The following TRMU variants were observed in gnomAD, a reference collection of about 807,000 sequenced individuals.
TRMU encodes tRNA mitochondrial 2-thiouridylase.
A neutral mutation model predicts 46.9 loss-of-function variants in TRMU; 49 were observed. The observed-to-expected ratio is 1.05, with a 90% CI of 0.83 to 1.33. The LOEUF is 1.33. Among genes scored for constraint, TRMU ranks in the 40% most tolerant of loss-of-function variants. The pLI, the probability that TRMU is intolerant of heterozygous loss-of-function variation, is 0.00. For missense variants in TRMU, 572 were observed against 532.4 expected, an observed-to-expected ratio of 1.07 and a Z score of -0.73; for synonymous variants, 241 against 200.9, an observed-to-expected ratio of 1.20 and a Z score of -1.69.
At chr22:46,355,672 T>TG in intron 9 of TRMU, 84 bp downstream of exon 9, 1 of 1,605,732 alleles carries the variant, frequency 6.2e-7, no homozygotes, top group Non-Finnish European at 8.5e-7. Context: ...TGGGAGACCC[T>TG]GGGGTAGGAA....
chr22:46,343,150 A>T (rs2078165093), intron 2 of TRMU, 112 bp from the exon 3 acceptor site: 2 of 777,872 alleles, frequency 2.6e-6, no homozygotes, highest in Non-Finnish European at 4.2e-6. Context: ...AGAAAATTAT[A>T]GTTTTGGTAT....
chr22:46,343,265 C>A lies in TRMU; in HGVS notation c.252C>A (p.Asp84Glu), dbSNP rs776173954. 1 of 1,604,412 alleles carries A rather than the reference C, an allele frequency of 6.2e-7. No homozygotes were observed. Among genetic ancestry groups the A allele is most frequent in the Admixed American group, 1.7e-5 (1 of 59,852 alleles). ...AAGTCATTTTCTTTTATTCTAGTGA[C>A]TTTTTGAATGAGTATGAAAAAGGAA... is the stretch of plus-strand genomic sequence containing the variant. ...VKEYWNDVFS[D>E]FLNEYEKGRT... The change falls in exon 3 of 11, where the codon GAC becomes GAA. Residue 84 changes from aspartate to glutamate, a missense_variant. Transcript: ENST00000645190.
intron 10 of TRMU, chr22:46,356,518 T>C: frequency 2.2e-6 from 1 of 448,258 alleles, no homozygotes; most frequent in Non-Finnish European, 4.1e-6. Flanking sequence ...ATCCTCTGGC[T>C]GCCACCATGC....
chr22:46,355,190 C>A, intron 8 of TRMU: 1 of 598,968 alleles, frequency 1.7e-6, no homozygotes, highest in Non-Finnish European at 3.0e-6. Context: ...GGGCTCGGAT[C>A]TCACCCCTGC....
At chr22:46,356,373 CAAAGAG>C (rs2078608333) in intron 10 of TRMU, 2 of 477,784 alleles carry the variant, frequency 4.2e-6, no homozygotes, top group African/African-American at 3.9e-5. Flanking sequence ...GGACAGTGCT[CAAAGAG>C]GCAGAGGGTC....
chr22:46,355,283 T>TGATGA, intron 8 of TRMU, 161 bp from the exon 9 acceptor site: 1 of 1,112,822 alleles, frequency 9.0e-7, no homozygotes, highest in South Asian at 1.4e-5. Flanking sequence ...GCCCGGCGGG[T>TGATGA]GATGAGATGA....
chr22:46,353,996 G>A (rs748339570), intron 8 of TRMU, 129 bp downstream of exon 8: 4 of 820,714 alleles, frequency 4.9e-6, no homozygotes, highest in Non-Finnish European at 8.2e-6. Flanking sequence ...CTCTGTTCCT[G>A]TCCTTGGTCC....
In TRMU at chr22:46,342,176, G is replaced by T. The variant is rs1285762721; in HGVS notation, c.249-1086G>T. Among the ~76,000 whole-genome samples, 2 of 152,220 alleles carry T rather than the reference G, an allele frequency of 1.3e-5. No homozygotes were observed. The highest frequency in any genetic ancestry group is 4.8e-5 in the African/African-American group (2 of 41,460). On this transcript the variant is annotated intron_variant, in intron 2 of 10. Coordinates refer to ENST00000645190, the MANE Select transcript of TRMU (RefSeq NM_018006.5). The surrounding 1 kb of genome is among the most constrained non-coding windows in gnomAD (Gnocchi z 4.7). ...CCCACAACAGCAGTCGAAAGTATGG[G>T]CCTCTAGAACTTATGACCAACTGGC...
In TRMU at chr22:46,351,947, G is replaced by T; in HGVS notation, c.652-174G>T. The T allele has an allele frequency of 1.3e-6, 1 of 768,974 alleles. No homozygotes were observed. The highest frequency in any genetic ancestry group is 1.7e-5 in the Admixed American group (1 of 57,712). 47.6% of individuals were successfully genotyped at this position (768,974 alleles called of 1,614,324 possible). ...AGGCGTTCTCTAAGGCTCTGGCATC[G>T]TGTGCGCCGGCTGTGACTGGCGGCC... On this transcript the variant is annotated intron_variant, in intron 5 of 10. Coordinates refer to ENST00000645190, the MANE Select transcript of TRMU (RefSeq NM_018006.5). This position sits in a 1 kb window ranked among gnomAD's most constrained non-coding sequence, Gnocchi z 6.4.
rs2078297945 is a variant in TRMU at position 46,347,768 on chromosome 22, G to A, written c.478+1224G>A. On this transcript the variant is annotated intron_variant, in intron 4 of 10. Transcript: ENST00000645190. The surrounding 1 kb of genome is among the most constrained non-coding windows in gnomAD (Gnocchi z 5.0). Reference sequence around the variant, plus strand: ...TCTGACCTGGGTCCCTCGGGTGGCAGAGCTGGATTTCAGTGCACTTCCGCT... The same window carrying A: ...TCTGACCTGGGTCCCTCGGGTGGCAAAGCTGGATTTCAGTGCACTTCCGCT... 6.6e-6 allele frequency among the ~76,000 whole-genome samples: 1 copy of A among 152,220 alleles called. No individual in the cohort carries two copies. The highest frequency in any genetic ancestry group is 1.5e-5 in the Non-Finnish European group (1 of 68,044).
In TRMU at chr22:46,352,336, G is replaced by A; in HGVS notation, c.772+6G>A. On this transcript the variant is annotated splice_donor_region_variant and intron_variant, in intron 7 of 10. Transcript: ENST00000645190. ...GGTTCTGGGAACACATAAAGGTGAG[G>A]TGCAGACTCTGCCACTTGTCATCTG... 3 of 1,613,976 alleles carry A rather than the reference G, an allele frequency of 1.9e-6. No individual in the cohort carries two copies. The highest frequency in any genetic ancestry group is 1.7e-6 in the Non-Finnish European group (2 of 1,180,014).
intron 10 of TRMU, 108 bp from the exon 11 acceptor site, chr22:46,356,734 G>C: frequency 7.3e-7 from 1 of 1,362,606 alleles, no homozygotes; most frequent in Admixed American, 1.8e-5. Flanking sequence ...GGAGCTCAGT[G>C]CCTGGTGCTC....
rs929238896 is a variant in TRMU at position 46,343,502 on chromosome 22, C to G, written c.355+134C>G. ...CTGGGCTCAAGAGATTCTCCCACCC[C>G]AGGCTCCTGAGTAGCTTGGACCACA... On this transcript the variant is annotated intron_variant, in intron 3 of 10. Coordinates refer to ENST00000645190, the MANE Select transcript of TRMU (RefSeq NM_018006.5). 5.6e-6 allele frequency: 4 copies of G among 710,986 alleles called. No individual in the cohort carries two copies. In the African/African-American group the frequency reaches 7.1e-5, roughly 13 times the overall value. 44.0% of individuals were successfully genotyped at this position (710,986 alleles called of 1,614,324 possible).
In TRMU at chr22:46,350,468, G is replaced by A. The variant is rs761200384; in HGVS notation, c.651+5G>A. 15 of 1,613,214 alleles carry A rather than the reference G, an allele frequency of 9.3e-6. No individual in the cohort carries two copies. The South Asian group carries it at 1.2e-4, about 13-fold the overall frequency. On this transcript the variant is annotated splice_donor_5th_base_variant and intron_variant, in intron 5 of 10. Coordinates refer to ENST00000645190, the MANE Select transcript of TRMU (RefSeq NM_018006.5). This position sits in a 1 kb window ranked among gnomAD's most constrained non-coding sequence, Gnocchi z 4.6. ...CATGTGCTTCAGAAGAAAGAGGTACGAGTGAGCAGTTGCCTTTGATTAGTG... is the reference window on the plus strand; with the variant it reads ...CATGTGCTTCAGAAGAAAGAGGTACAAGTGAGCAGTTGCCTTTGATTAGTG...
chr22:46,352,935 G>GA, intron 7 of TRMU: 1 of 192,576 alleles, frequency 5.2e-6, no homozygotes, highest in Non-Finnish European at 1.1e-5. Context: ...CTGCCGGCGT[G>GA]ATGATCAGGC....
At chr22:46,354,748 C>T (rs1362519558) in intron 8 of TRMU, 1 of 152,996 alleles carries the variant, frequency 6.5e-6, no homozygotes, top group African/African-American at 2.4e-5. Flanking sequence ...TAACCAACGG[C>T]CTCCTGTCCC....
chr22:46,350,523 G>T lies in TRMU; in HGVS notation c.651+60G>T, dbSNP rs914619303. The T allele has an allele frequency of 6.3e-7, 1 of 1,598,074 alleles. No individual in the cohort carries two copies. The highest frequency in any genetic ancestry group is 1.7e-5 in the Admixed American group (1 of 59,954). ...TTTCCCTTTCCCGACTGCATGGCAC[G>T]GAGCAGCTGGACCTGTGGGTCCCGC... On this transcript the variant is annotated intron_variant, in intron 5 of 10. Coordinates refer to ENST00000645190, the MANE Select transcript of TRMU (RefSeq NM_018006.5). The surrounding 1 kb of genome is among the most constrained non-coding windows in gnomAD (Gnocchi z 4.6).
At position 46,342,851 on chromosome 22, in the gene TRMU, G is replaced by A. The variant is rs1477850330; in HGVS notation, c.249-411G>A. Reference sequence around the variant, plus strand: ...TGCGCACCTGTAATCACAGCTATTCGGAAGGCTGAGGTGGGAGAATCTGCA... The same window carrying A: ...TGCGCACCTGTAATCACAGCTATTCAGAAGGCTGAGGTGGGAGAATCTGCA... On this transcript the variant is annotated intron_variant, in intron 2 of 10. Transcript: ENST00000645190. This position sits in a 1 kb window ranked among gnomAD's most constrained non-coding sequence, Gnocchi z 4.7. Among the ~76,000 whole-genome samples the A allele has an allele frequency of 6.6e-6, 1 of 152,252 alleles. No homozygotes were observed. The highest frequency in any genetic ancestry group is 1.9e-4 in the East Asian group (1 of 5,194).
In TRMU at chr22:46,355,454, C is replaced by G. The variant is rs778112517; in HGVS notation, c.884C>G (p.Thr295Arg). The change falls in exon 9 of 11, where the codon ACA (threonine) becomes AGA (arginine). Residue 295 changes from threonine to arginine, a missense_variant. Coordinates refer to ENST00000645190, the MANE Select transcript of TRMU (RefSeq NM_018006.5). ...VKGDVFVAPR[T>R]DHPALYRDLL... The stretch of plus-strand genomic sequence containing the variant: ...CATTCCATTCTGCAGGCCCCCCGGA[C>G]AGACCACCCAGCCCTGTACAGGGAC... 1 of 1,612,834 alleles carries G rather than the reference C, an allele frequency of 6.2e-7. No individual in the cohort carries two copies. The highest frequency in any genetic ancestry group is 8.5e-7 in the Non-Finnish European group (1 of 1,179,712).
Sources: allele counts gnomAD v4.1 joint callset (sites outside exome capture counted in the v4.1 genomes callset), GRCh38; gene constraint gnomAD v4.1.1; non-coding constraint Gnocchi (gnomAD v3.1); transcripts MANE v1.5; gene names NCBI Gene and HGNC (gene_info 2026-07-23, HGNC 2026-07-21).